Variants in RNASET2 observed in about 807,000 individuals in gnomAD.
RNASET2 encodes ribonuclease T2.
Under a neutral mutation model 33.9 loss-of-function variants are expected in RNASET2, and 28 were observed. That is an observed-to-expected ratio of 0.83 (90% CI 0.61 to 1.13). The LOEUF (loss-of-function observed/expected upper bound fraction) is 1.13, where lower values mean the gene tolerates loss of function less well. Ranked by LOEUF, RNASET2 falls within the 50% of genes most tolerant of loss-of-function variation. RNASET2 has a pLI of 0.00. For missense variants in RNASET2, 330 were observed against 319.9 expected (o/e 1.03, Z -0.24); for synonymous variants, 123 against 121.0 (o/e 1.02, Z -0.11).
At chr6:166,955,225 ACACACG>A (rs1779090901) in intron 1 of RNASET2, among the ~76,000 whole-genome samples, 4 of 48,592 alleles carry the variant, frequency 8.2e-5, no homozygotes, top group Non-Finnish European at 1.4e-4. Flanking sequence ...ACACACGCGC[ACACACG>A]CACGCACGCA....
intron 1 of RNASET2, 107 bp from the exon 2 acceptor site, chr6:166,952,655 T>C (rs1779014467): frequency 1.2e-6 from 1 of 865,206 alleles, no homozygotes; most frequent in Admixed American, 2.0e-5. Flanking sequence ...CTGAGTGCTG[T>C]GGGAGGAGGA....
chr6:166,932,685 T>C (rs1432030241), intron 7 of RNASET2: 2 of 152,178 alleles, frequency 1.3e-5, no homozygotes, highest in Non-Finnish European at 2.9e-5. Context: ...GGACTCCGAG[T>C]ATCCACCGTG....
intron 2 of RNASET2, among the ~76,000 whole-genome samples, chr6:166,951,499 C>T (rs1778983758): frequency 6.6e-6 from 1 of 152,216 alleles, no homozygotes; most frequent in Non-Finnish European, 1.5e-5. Context: ...CCGAGGTCAG[C>T]TAAGTAATGG....
chr6:166,943,034 T>A lies in RNASET2; in HGVS notation c.317A>T (p.Asn106Ile), dbSNP rs993877408. 2 of 1,613,554 alleles carry A rather than the reference T, an allele frequency of 1.2e-6. No homozygotes were observed. Among genetic ancestry groups the A allele is most frequent in the African/African-American group, 2.7e-5 (2 of 74,916 alleles). ...TGGGACTTACCAGAAGCGGCTGCGA[T>A]TGGGAAACGAGTGAATTACGTCAGG... ...YWPDVIHSFP[N>I]RSRFWKHEWE... The change falls in exon 5 of 9, where the codon AAT (asparagine) becomes ATT (isoleucine). Residue 106 changes from asparagine to isoleucine, a missense_variant. By Grantham distance (149) the Asn-to-Ile change is moderately radical. Transcript: ENST00000508775.
chr6:166,954,243 T>A (rs1779053568), intron 1 of RNASET2, among the ~76,000 whole-genome samples: 1 of 152,208 alleles, frequency 6.6e-6, no homozygotes. Context: ...CGCTGACCTA[T>A]GAAGCCCTCG....
At chr6:166,955,197 G>GCACACGCACACGCACA (rs1279464424) in intron 1 of RNASET2, among the ~76,000 whole-genome samples, 6 of 119,134 alleles carry the variant, frequency 5.0e-5, no homozygotes, top group African/African-American at 2.2e-4. Context: ...ACGCACACAC[G>GCACACGCACACGCACA]CACGCACACA....
In RNASET2 at chr6:166,952,910, G is replaced by C. The variant is rs1037583187; in HGVS notation, c.87-362C>G. 3.8e-5 allele frequency: 11 copies of C among 289,850 alleles called. No individual in the cohort carries two copies. The Admixed American group carries it at 4.5e-4, about 12-fold the overall frequency. The allele number at this position is 289,850 out of a possible 1,614,324, so 18.0% of individuals were successfully genotyped here. A position where few individuals can be genotyped will look rare whatever the true frequency, so the allele number is the denominator to read the frequency against. ...CCTAAGGATGCTCAAGAGAAATGCA[G>C]ACCCACGATCCCTCCCCTGCATTCG... On this transcript the variant is annotated intron_variant, in intron 1 of 8. Coordinates refer to ENST00000508775, the MANE Select transcript of RNASET2 (RefSeq NM_003730.6).
At chr6:166,948,427 A>G in intron 3 of RNASET2, 143 bp downstream of exon 3, 1 of 720,922 alleles carries the variant, frequency 1.4e-6, no homozygotes, top group Admixed American at 2.0e-5. Flanking sequence ...AGAAAGACTA[A>G]AGATATTTTT....
intron 1 of RNASET2, chr6:166,955,365 A>ACACG (rs1779129046): frequency 3.0e-6 from 1 of 330,160 alleles, no homozygotes; most frequent in South Asian, 1.4e-4. Flanking sequence ...ACACACACGC[A>ACACG]CACACAAACG....
intron 1 of RNASET2, chr6:166,955,624 C>T: frequency 1.0e-6 from 1 of 995,168 alleles, no homozygotes; most frequent in Non-Finnish European, 1.2e-6. Flanking sequence ...AGGCTGGGAG[C>T]AGTCTGTGGG....
Position 166,938,879 on chromosome 6 carries a change from G to C in RNASET2, c.446+16C>G, listed in dbSNP as rs773843764. ...ATCCCCACTGGGAAGTGCAGCCGGG[G>C]GAAGGGCGCACCCACCTGTTGAGGT... is the stretch of plus-strand genomic sequence containing the variant. On this transcript the variant is annotated intron_variant, in intron 6 of 8. Transcript: ENST00000508775. The C allele has an allele frequency of 1.3e-6, 2 of 1,566,708 alleles. No homozygotes were observed. The highest frequency in any genetic ancestry group is 3.3e-5 in the Admixed American group (2 of 59,970).
At chr6:166,949,195 T>C (rs1478342130) in intron 2 of RNASET2, among the ~76,000 whole-genome samples, 1 of 59,124 alleles carries the variant, frequency 1.7e-5, no homozygotes, top group African/African-American at 7.5e-5. Context: ...AAAAACCGTG[T>C]CTCCAAAAAA....
intron 2 of RNASET2, among the ~76,000 whole-genome samples, chr6:166,949,520 A>AT (rs921947977): frequency 6.6e-6 from 1 of 151,570 alleles, no homozygotes; most frequent in Non-Finnish European, 1.5e-5. Flanking sequence ...AAAAAAAAAA[A>AT]AAAAAGAAAG....
In RNASET2 at chr6:166,956,205, G is replaced by A. The variant is rs1297497717; in HGVS notation, c.-23C>T. On this transcript the variant is annotated 5_prime_UTR_variant, in exon 1 of 9. Transcript: ENST00000508775. ...CATGGTGCCGACCTGCGGAGAGAAC[G>A]CTGCCAGCTGCCGCTCCGGCTCCCA... The A allele has an allele frequency of 6.5e-6, 10 of 1,540,686 alleles. No individual in the cohort carries two copies. Among genetic ancestry groups the A allele is most frequent in the East Asian group, 2.4e-5 (1 of 40,818 alleles).
In RNASET2 at chr6:166,933,677, C is replaced by G; in HGVS notation, c.492+414G>C. Reference sequence around the variant, plus strand: ...AAAAGCAACTTTTTGTATATGCTTACCAGCTAATAACATCTTGTCATGCTT... The same window carrying G: ...AAAAGCAACTTTTTGTATATGCTTAGCAGCTAATAACATCTTGTCATGCTT... On this transcript the variant is annotated intron_variant, in intron 7 of 8. Coordinates refer to ENST00000508775, the MANE Select transcript of RNASET2 (RefSeq NM_003730.6). The surrounding 1 kb of genome is among the most constrained non-coding windows in gnomAD (Gnocchi z 4.1). The G allele has an allele frequency of 4.9e-6, 1 of 205,280 alleles. No homozygotes were observed. The highest frequency in any genetic ancestry group is 8.2e-5 in the South Asian group (1 of 12,194). 12.7% of individuals were successfully genotyped at this position (205,280 alleles called of 1,614,324 possible). A position where few individuals can be genotyped will look rare whatever the true frequency, so the allele number is the denominator to read the frequency against.
chr6:166,955,179 A>ACACACACACACGCACACACACG (rs766917268), intron 1 of RNASET2, among the ~76,000 whole-genome samples: 1 of 116,720 alleles, frequency 8.6e-6, no homozygotes, highest in African/African-American at 4.0e-5. Flanking sequence ...CGGCTGCCAC[A>ACACACACACACGCACACACACG]CACACACACG....
rs1778638940 is a variant in RNASET2, at chr6:166,939,106, G to A, written c.333-98C>T. ...CCCAACACTTTGGGAGGCTGAAGGG[G>A]GTGGATCACCTGAGATCAGGAGTTT... is the stretch of plus-strand genomic sequence containing the variant. On this transcript the variant is annotated intron_variant, in intron 5 of 8. Coordinates refer to ENST00000508775, the MANE Select transcript of RNASET2 (RefSeq NM_003730.6). 13 of 864,876 alleles carry A rather than the reference G, an allele frequency of 1.5e-5. No individual in the cohort carries two copies. In the South Asian group the frequency reaches 1.6e-4, roughly 11 times the overall value. 53.6% of individuals were successfully genotyped at this position (864,876 alleles called of 1,614,324 possible).
intron 2 of RNASET2, among the ~76,000 whole-genome samples, chr6:166,949,199 C>CAAAAAAAAAAAAA (rs1169530046): frequency 1.9e-5 from 1 of 52,328 alleles, no homozygotes; most frequent in Non-Finnish European, 3.4e-5. Context: ...ACCGTGTCTC[C>CAAAAAAAAAAAAA]AAAAAAAAAA....
chr6:166,955,387 A>ACAAACGCACACG (rs1779134314), intron 1 of RNASET2: 1 of 372,666 alleles, frequency 2.7e-6, no homozygotes, highest in Non-Finnish European at 3.1e-6. Context: ...ACACGCACAC[A>ACAAACGCACACG]CACACACGCG....
Sources: allele counts gnomAD v4.1 joint callset (sites outside exome capture counted in the v4.1 genomes callset), GRCh38; gene constraint gnomAD v4.1.1; non-coding constraint Gnocchi (gnomAD v3.1); transcripts MANE v1.5; gene names NCBI Gene and HGNC (gene_info 2026-07-23, HGNC 2026-07-21).